Variants in CDKAL1 observed in about 807,000 individuals in gnomAD.
CDKAL1 encodes the protein CDKAL1 threonylcarbamoyladenosine tRNA methylthiotransferase.
A neutral mutation model predicts 68.2 loss-of-function variants in CDKAL1; 32 were observed. The observed-to-expected ratio is 0.47, with a 90% CI of 0.35 to 0.63. CDKAL1 has a LOEUF of 0.63. CDKAL1 is among the 30% of genes least tolerant of loss of function. CDKAL1 has a pLI of 0.00. For synonymous variants in CDKAL1, 234 were observed against 244.3 expected, an observed-to-expected ratio of 0.96 and a Z score of 0.39; for missense variants, 606 against 696.7, an observed-to-expected ratio of 0.87 and a Z score of 1.47.
intron 4 of CDKAL1, among the ~76,000 whole-genome samples, chr6:20,562,452 C>A (rs1416151084): frequency 6.6e-6 from 1 of 152,060 alleles, no homozygotes; most frequent in Non-Finnish European, 1.5e-5. Context: ...TTAAATCCAT[C>A]AAAAAATTCA....
chr6:20,750,180 C>G (rs1010985430), intron 6 of CDKAL1, among the ~76,000 whole-genome samples: 1 of 151,838 alleles, frequency 6.6e-6, no homozygotes, highest in African/African-American at 2.4e-5. Flanking sequence ...ATGATGTGAT[C>G]ACGGCACACT....
chr6:20,790,310 T>G (rs901017001), intron 8 of CDKAL1, among the ~76,000 whole-genome samples: 1 of 152,134 alleles, frequency 6.6e-6, no homozygotes, highest in African/African-American at 2.4e-5. Flanking sequence ...TGTCTTAAAA[T>G]ATCTTATAGG....
At chr6:20,778,214 A>G (rs2150371119) in intron 7 of CDKAL1, among the ~76,000 whole-genome samples, 1 of 152,324 alleles carries the variant, frequency 6.6e-6, no homozygotes, top group Non-Finnish European at 1.5e-5. Context: ...TGTGCCCTTA[A>G]TATAGCTAAA....
At chr6:20,703,181 G>T (rs1331414543) in intron 5 of CDKAL1, among the ~76,000 whole-genome samples, 2 of 152,206 alleles carry the variant, frequency 1.3e-5, no homozygotes, top group Non-Finnish European at 2.9e-5. Context: ...TTAAAATAAA[G>T]AAAGTGGTGT....
intron 4 of CDKAL1, among the ~76,000 whole-genome samples, chr6:20,602,867 C>T (rs1229108056): frequency 6.6e-6 from 1 of 152,162 alleles, no homozygotes; most frequent in Non-Finnish European, 1.5e-5. Context: ...ATGCTTTTCT[C>T]ATCTGAAGAA....
At position 20,732,056 on chromosome 6, in the gene CDKAL1, A is replaced by T. The variant is rs202174474; in HGVS notation, c.372-7463A>T. Among the ~76,000 whole-genome samples, 146 of 143,444 alleles carry T rather than the reference A, an allele frequency of 1.0e-3. 1 individual carries two copies. The highest frequency in any genetic ancestry group is 2.9e-3 in the African/African-American group (120 of 40,798). 94.1% of individuals were successfully genotyped at this position (143,444 alleles called of 152,430 possible). On this transcript the variant is annotated intron_variant, in intron 5 of 15. Coordinates refer to ENST00000274695, the MANE Select transcript of CDKAL1 (RefSeq NM_017774.3). ...TAAACATTATTTTTTAATTAAAAAA[A>T]TTTTTTTGAGATGGAGTCTTGCTCT...
intron 9 of CDKAL1, among the ~76,000 whole-genome samples, chr6:20,934,530 A>G (rs921214771): frequency 6.6e-6 from 1 of 152,024 alleles, no homozygotes; most frequent in Non-Finnish European, 1.5e-5. Flanking sequence ...AGGGCATATT[A>G]TAAAGTCACT....
At chr6:21,115,582 A>C (rs1774364937) in intron 13 of CDKAL1, among the ~76,000 whole-genome samples, 1 of 152,234 alleles carries the variant, frequency 6.6e-6, no homozygotes, top group Non-Finnish European at 1.5e-5. Context: ...TCTATTTCTC[A>C]TCTTTGGCAA....
At chr6:21,107,250 A>G (rs1255108505) in intron 12 of CDKAL1, among the ~76,000 whole-genome samples, 1 of 152,024 alleles carries the variant, frequency 6.6e-6, no homozygotes, top group Non-Finnish European at 1.5e-5. Context: ...CCCGGCCAAA[A>G]AAGCCACTTT....
In CDKAL1 at chr6:20,649,280, A is replaced by AT. The variant is rs756274004; in HGVS notation, c.287-6dup. 9 of 1,588,136 alleles carry AT rather than the reference A, an allele frequency of 5.7e-6. No homozygotes were observed. Among genetic ancestry groups the AT allele is most frequent in the Admixed American group, 1.8e-5 (1 of 57,112 alleles). On this transcript the variant is annotated splice_polypyrimidine_tract_variant and intron_variant, in intron 4 of 15. Coordinates refer to ENST00000274695, the MANE Select transcript of CDKAL1 (RefSeq NM_017774.3). ...TGCTACTTACTTCTTTTTTGTGTTC[A>AT]TTTTTTTAATAGAAAATGCATCCGA...
intron 7 of CDKAL1, among the ~76,000 whole-genome samples, chr6:20,771,730 G>A (rs1308154771): frequency 3.3e-5 from 5 of 152,126 alleles, no homozygotes; most frequent in Non-Finnish European, 5.9e-5. Flanking sequence ...GAATTCTCAT[G>A]TGAGTTGGTT....
chr6:20,858,709 T>C (rs1759463935), intron 9 of CDKAL1, among the ~76,000 whole-genome samples: 1 of 152,206 alleles, frequency 6.6e-6, no homozygotes, highest in African/African-American at 2.4e-5. Context: ...ATTTACATGA[T>C]GGAGTGTTAT....
intron 11 of CDKAL1, among the ~76,000 whole-genome samples, chr6:21,054,730 G>T (rs1170765954): frequency 6.6e-6 from 1 of 151,890 alleles, no homozygotes; most frequent in Non-Finnish European, 1.5e-5. Context: ...ATGCTATTGT[G>T]AATGGAATTG....
At chr6:21,051,976 T>C (rs1257330551) in intron 11 of CDKAL1, among the ~76,000 whole-genome samples, 2 of 152,252 alleles carry the variant, frequency 1.3e-5, no homozygotes, top group African/African-American at 4.8e-5. Context: ...GACAGTCATA[T>C]TAAAAGAATA....
intron 4 of CDKAL1, among the ~76,000 whole-genome samples, chr6:20,609,373 CCTT>C (rs200074365): frequency 0.27 from 28,770 of 107,270 alleles, 4,200 homozygotes; most frequent in East Asian, 0.32. Flanking sequence ...TTCTCCTTCT[CCTT>C]CTTCTTCTTC....
intron 13 of CDKAL1, among the ~76,000 whole-genome samples, chr6:21,111,188 C>T (rs939914656): frequency 2.0e-5 from 3 of 152,112 alleles, no homozygotes; most frequent in Non-Finnish European, 4.4e-5. Context: ...AATGTTGTGA[C>T]GGTTTGCCTC....
chr6:21,027,833 A>G (rs1769046602), intron 11 of CDKAL1, among the ~76,000 whole-genome samples: 1 of 152,326 alleles, frequency 6.6e-6, no homozygotes, highest in South Asian at 2.1e-4. Context: ...GGTAAGACCA[A>G]TGAGAGTAAC....
At position 20,575,768 on chromosome 6, in the gene CDKAL1, A is replaced by T. The variant is rs541204315; in HGVS notation, c.286+27063A>T. Among the ~76,000 whole-genome samples, 6 of 152,118 alleles carry T rather than the reference A, an allele frequency of 3.9e-5. 1 individual carries two copies. In the South Asian group the frequency reaches 1.2e-3, roughly 32 times the overall value. The stretch of plus-strand genomic sequence containing the variant: ...TTTCTGGATCTTTTTTTCCCTAGCC[A>T]TTAATTTTTCTTTCAGTTGAATCCT... On this transcript the variant is annotated intron_variant, in intron 4 of 15. Coordinates refer to ENST00000274695, the MANE Select transcript of CDKAL1 (RefSeq NM_017774.3).
At chr6:20,813,910 T>G (rs979058223) in intron 8 of CDKAL1, among the ~76,000 whole-genome samples, 5 of 152,006 alleles carry the variant, frequency 3.3e-5, no homozygotes, top group Non-Finnish European at 5.9e-5. Flanking sequence ...TATTATAAAT[T>G]ATTTACATTT....
Sources: allele counts gnomAD v4.1 joint callset (sites outside exome capture counted in the v4.1 genomes callset), GRCh38; gene constraint gnomAD v4.1.1; transcripts MANE v1.5; gene names NCBI Gene and HGNC (gene_info 2026-07-23, HGNC 2026-07-21).